The following RARS2 variants were observed in gnomAD, a reference collection of about 807,000 sequenced individuals.
RARS2 encodes arginyl-tRNA synthetase 2, mitochondrial.
A neutral mutation model predicts 88.5 loss-of-function variants in RARS2; 67 were observed. The observed-to-expected ratio is 0.76, with a 90% CI of 0.62 to 0.93. RARS2 has a LOEUF of 0.93. Ranked by LOEUF, RARS2 falls within the 40% of genes least tolerant of loss-of-function variation. The pLI, the probability that RARS2 is intolerant of heterozygous loss-of-function variation, is 0.00. For missense variants in RARS2, 664 were observed against 684.2 expected (o/e 0.97, Z 0.33); for synonymous variants, 239 against 230.3 (o/e 1.04, Z -0.34).
intron 6 of RARS2, among the ~76,000 whole-genome samples, chr6:87,547,614 G>A (rs1295582586): frequency 6.6e-6 from 1 of 151,742 alleles, no homozygotes; most frequent in African/African-American, 2.4e-5. Flanking sequence ...GTACTATATA[G>A]TAATCTCTAT....
chr6:87,570,476 T>C (rs937622355), intron 1 of RARS2, among the ~76,000 whole-genome samples: 3 of 152,158 alleles, frequency 2.0e-5, no homozygotes, highest in Non-Finnish European at 2.9e-5. Context: ...TGGAGTACAG[T>C]GACGTGATCT....
chr6:87,582,809 TA>T (rs1259593705), intron 1 of RARS2, among the ~76,000 whole-genome samples: 1 of 152,202 alleles, frequency 6.6e-6, no homozygotes, highest in Non-Finnish European at 1.5e-5. Context: ...AATTTGATAA[TA>T]AACTCATCAG....
chr6:87,529,815 G>C (rs1776866938), intron 9 of RARS2, among the ~76,000 whole-genome samples, 167 bp from the exon 10 acceptor site: 1 of 152,024 alleles, frequency 6.6e-6, no homozygotes, highest in East Asian at 1.9e-4. Flanking sequence ...CAGCACTTTG[G>C]GAGGCTGAGG....
intron 1 of RARS2, among the ~76,000 whole-genome samples, chr6:87,588,978 G>A (rs1220526871): frequency 6.6e-6 from 1 of 152,102 alleles, no homozygotes; most frequent in Non-Finnish European, 1.5e-5. Context: ...GATATTTGGC[G>A]AATTATCACC....
At chr6:87,546,204 T>C (rs963021372) in intron 6 of RARS2, among the ~76,000 whole-genome samples, 2 of 152,236 alleles carry the variant, frequency 1.3e-5, no homozygotes, top group African/African-American at 4.8e-5. Context: ...CCCATACTGC[T>C]GATGCTGGTT....
chr6:87,534,099 CTG>C (rs1471010916), intron 8 of RARS2, among the ~76,000 whole-genome samples: 1 of 152,156 alleles, frequency 6.6e-6, no homozygotes, highest in Non-Finnish European at 1.5e-5. Flanking sequence ...ATGTTTAATG[CTG>C]TTTCACTGAT....
At chr6:87,568,508 C>CAA (rs1214791342) in intron 2 of RARS2, among the ~76,000 whole-genome samples, 2 of 152,138 alleles carry the variant, frequency 1.3e-5, no homozygotes, top group African/African-American at 4.8e-5. Flanking sequence ...TCAAAACAAA[C>CAA]AAACACCAAA....
chr6:87,548,859 T>C (rs1265127829), intron 5 of RARS2, among the ~76,000 whole-genome samples: 1 of 152,200 alleles, frequency 6.6e-6, no homozygotes, highest in African/African-American at 2.4e-5. Flanking sequence ...ACTCCTGAAG[T>C]AATAGCATTC....
intron 1 of RARS2, among the ~76,000 whole-genome samples, chr6:87,586,058 T>A (rs1775060647): frequency 6.6e-6 from 1 of 152,156 alleles, no homozygotes; most frequent in Non-Finnish European, 1.5e-5. Flanking sequence ...CAAAGAAAGA[T>A]AAGTGATATG....
At chr6:87,554,334 A>G (rs895178955) in intron 5 of RARS2, among the ~76,000 whole-genome samples, 2 of 152,232 alleles carry the variant, frequency 1.3e-5, no homozygotes, top group African/African-American at 4.8e-5. Context: ...TTATACTGAC[A>G]GCACGTTAGA....
chr6:87,575,266 CACACA>C (rs1258189168), intron 1 of RARS2, among the ~76,000 whole-genome samples: 16 of 149,858 alleles, frequency 1.1e-4, no homozygotes, highest in African/African-American at 4.0e-4. Context: ...CACACACACA[CACACA>C]CACACACCTT....
chr6:87,575,299 G>A (rs1027774382), intron 1 of RARS2, among the ~76,000 whole-genome samples: 1 of 142,692 alleles, frequency 7.0e-6, no homozygotes, highest in African/African-American at 2.6e-5. Flanking sequence ...TCAAAAGCAG[G>A]GCCTGAGAAA....
intron 1 of RARS2, among the ~76,000 whole-genome samples, chr6:87,572,790 A>T (rs1407952314): frequency 6.6e-6 from 1 of 152,160 alleles, no homozygotes; most frequent in Non-Finnish European, 1.5e-5. Context: ...GGACTTAAGC[A>T]CATAAAATGA....
intron 8 of RARS2, among the ~76,000 whole-genome samples, chr6:87,531,893 A>G (rs1278836386): frequency 6.6e-6 from 1 of 152,248 alleles, no homozygotes; most frequent in African/African-American, 2.4e-5. Flanking sequence ...ATCAATGATA[A>G]CTTTACTATA....
In RARS2 at chr6:87,564,200, G is replaced by T. The variant is rs1456914275; in HGVS notation, c.143C>A (p.Ser48Tyr). Residue 48 changes from serine (S) to tyrosine (Y), a missense_variant, in exon 3 of 20, where the codon TCT becomes TAT. Ser to Tyr is a moderately radical substitution (Grantham distance 144). Transcript: ENST00000369536. ...EVADFQLSVD[S>Y]LLEKDNDHSR... ...ATGGTCATTGTCTTTTTCCAATAAAGAATCCACAGAAAGCTGAAAATCAGC... is the reference window on the plus strand; with the variant it reads ...ATGGTCATTGTCTTTTTCCAATAAATAATCCACAGAAAGCTGAAAATCAGC... 1 of 1,613,378 alleles carries T rather than the reference G, an allele frequency of 6.2e-7. No individual in the cohort carries two copies. Among genetic ancestry groups the T allele is most frequent in the African/African-American group, 1.3e-5 (1 of 74,870 alleles).
chr6:87,527,467 A>G (rs75052669), intron 10 of RARS2, among the ~76,000 whole-genome samples: 3,493 of 152,298 alleles, frequency 0.023, 53 homozygotes, highest in Non-Finnish European at 0.038. Context: ...CTGTAAAACT[A>G]TTAGAGGAAA....
At position 87,519,182 on chromosome 6, in the gene RARS2, A is replaced by ATGTGTGTGTGTGTG. The variant is rs772148859; in HGVS notation, c.1238-292_1238-291insCACACACACACACA. ...TATGTGTGTATATATATATAAATAT[A>ATGTGTGTGTGTGTG]TATGTGTGTGTGTGTGTGTGTGTGT... On this transcript the variant is annotated intron_variant, in intron 14 of 19. Transcript: ENST00000369536. The ATGTGTGTGTGTGTG allele has an allele frequency of 8.3e-4, 170 of 205,274 alleles. 2 individuals are homozygous for ATGTGTGTGTGTGTG. The highest frequency in any genetic ancestry group is 5.6e-3 in the African/African-American group (139 of 24,816). The allele number at this position is 205,274 out of a possible 1,614,324, so 12.7% of individuals were successfully genotyped here. A position where few individuals can be genotyped will look rare whatever the true frequency, so the allele number is the denominator to read the frequency against.
chr6:87,545,557 A>T, intron 7 of RARS2, 59 bp downstream of exon 7: 1 of 1,609,746 alleles, frequency 6.2e-7, no homozygotes, highest in Non-Finnish European at 8.5e-7. Context: ...GTCCAGATCA[A>T]AGTTTTTACA....
intron 1 of RARS2, among the ~76,000 whole-genome samples, chr6:87,582,990 G>C (rs948728228): frequency 6.6e-6 from 1 of 152,146 alleles, no homozygotes. Context: ...AACAAGACTG[G>C]AATATGGACT....
Sources: allele counts gnomAD v4.1 joint callset (sites outside exome capture counted in the v4.1 genomes callset), GRCh38; gene constraint gnomAD v4.1.1; transcripts MANE v1.5; gene names NCBI Gene and HGNC (gene_info 2026-07-23, HGNC 2026-07-21).